FAM120A: variants seen among roughly 807,000 people sequenced by gnomAD.
FAM120A encodes the protein family with sequence similarity 120 member A.
A neutral mutation model predicts 109.7 loss-of-function variants in FAM120A; 15 were observed. The ratio of observed to expected loss-of-function variants is 0.14; its 90% CI spans 0.09 to 0.21. FAM120A has a LOEUF of 0.21. Among genes scored for constraint, FAM120A ranks in the 10% least tolerant of loss-of-function variants. The pLI is 1.00. For synonymous variants in FAM120A, 493 were observed against 572.8 expected, an observed-to-expected ratio of 0.86 and a Z score of 1.99; for missense variants, 899 against 1,439.3, an observed-to-expected ratio of 0.62 and a Z score of 6.07.
rs558921779 is a variant in FAM120A at position 93,505,312 on chromosome 9, G to A, written c.1030+6426G>A. The stretch of plus-strand genomic sequence containing the variant: ...CCTGACCTCGTGATCCGCCCGCCTC[G>A]GCCTCCCGAAATGCTGGGATTACAG... On this transcript the variant is annotated intron_variant, in intron 5 of 17. Transcript: ENST00000277165. 1.8e-3 allele frequency among the ~76,000 whole-genome samples: 269 copies of A among 152,154 alleles called. 2 individuals carry two copies. Among genetic ancestry groups the A allele is most frequent in the Non-Finnish European group, 3.1e-3 (211 of 67,990 alleles).
chr9:93,520,768 A>C (rs61467488), intron 7 of FAM120A, among the ~76,000 whole-genome samples: 3,425 of 152,316 alleles, frequency 0.022, 124 homozygotes, highest in African/African-American at 0.077. Flanking sequence ...CATACACACT[A>C]CAGAAAATAT....
intron 5 of FAM120A, among the ~76,000 whole-genome samples, chr9:93,513,932 C>T (rs555057414): frequency 1.4e-5 from 2 of 142,904 alleles, no homozygotes; most frequent in African/African-American, 4.9e-5. Flanking sequence ...CCTATATTGG[C>T]AGTAGGCAGT....
At chr9:93,507,155 A>G (rs1860099099) in intron 5 of FAM120A, among the ~76,000 whole-genome samples, 1 of 151,958 alleles carries the variant, frequency 6.6e-6, no homozygotes, top group Non-Finnish European at 1.5e-5. Context: ...GGAGTGGGAA[A>G]CTCTTTCAGT....
rs1422056517 is a variant in FAM120A at position 93,478,994 on chromosome 9, A to G, written c.804+2656A>G. Among the ~76,000 whole-genome samples the G allele has an allele frequency of 5.3e-5, 8 of 151,628 alleles. No homozygotes were observed. In the East Asian group the frequency reaches 9.6e-4, roughly 18 times the overall value. ...TTTTGAAAATTTGGATAGTTGTTAC[A>G]TATCTTCCATAATATTCTGAGTTTT... On this transcript the variant is annotated intron_variant, in intron 3 of 17. Coordinates refer to ENST00000277165, the MANE Select transcript of FAM120A (RefSeq NM_014612.5).
At chr9:93,559,508 C>T (rs944306680) in intron 15 of FAM120A, among the ~76,000 whole-genome samples, 4 of 152,224 alleles carry the variant, frequency 2.6e-5, no homozygotes, top group African/African-American at 4.8e-5. Context: ...GGGAACTGTG[C>T]GGAAAGGTGA....
Position 93,562,338 on chromosome 9 carries a change from A to G in FAM120A, c.3045+34A>G, listed in dbSNP as rs181365043. The G allele has an allele frequency of 1.5e-4, 232 of 1,533,106 alleles. No homozygotes were observed. In the African/African-American group the frequency reaches 2.6e-3, roughly 17 times the overall value. The allele number at this position is 1,533,106 out of a possible 1,614,324, so 95.0% of individuals were successfully genotyped here. A position where few individuals can be genotyped will look rare whatever the true frequency, so the allele number is the denominator to read the frequency against. On this transcript the variant is annotated intron_variant, in intron 17 of 17. Coordinates refer to ENST00000277165, the MANE Select transcript of FAM120A (RefSeq NM_014612.5). ...ACAACATGATGTTTGTGCCAGTTCA[A>G]TGCCCTCAGGGATGTCTCCTGTCTG...
At position 93,512,874 on chromosome 9, in the gene FAM120A, T is replaced by C. The variant is rs528169610; in HGVS notation, c.1031-2793T>C. On this transcript the variant is annotated intron_variant, in intron 5 of 17. Transcript: ENST00000277165. The stretch of plus-strand genomic sequence containing the variant: ...CAGAGGATTATTTGAGGTCAATGAT[T>C]GGAATGTGATTTTAGAAAATATTCT... 2.0e-5 allele frequency among the ~76,000 whole-genome samples: 3 copies of C among 152,356 alleles called. No homozygotes were observed. The East Asian group carries it at 5.8e-4, about 29-fold the overall frequency.
At chr9:93,499,488 A>G (rs940232884) in intron 5 of FAM120A, among the ~76,000 whole-genome samples, 1 of 151,942 alleles carries the variant, frequency 6.6e-6, no homozygotes, top group Non-Finnish European at 1.5e-5. Context: ...GGGTTTCACC[A>G]TGTTGGCCAG....
intron 1 of FAM120A, among the ~76,000 whole-genome samples, chr9:93,467,023 T>TA: frequency 6.6e-6 from 1 of 152,312 alleles, no homozygotes; most frequent in South Asian, 2.1e-4. Flanking sequence ...CATTTTATAA[T>TA]ACAATTTTAT....
intron 3 of FAM120A, among the ~76,000 whole-genome samples, chr9:93,496,447 A>T (rs926086600): frequency 6.6e-6 from 1 of 152,244 alleles, no homozygotes; most frequent in Non-Finnish European, 1.5e-5. Context: ...GGGTTGTGGA[A>T]TGAATGTTGT....
At chr9:93,526,918 C>T (rs546614038) in intron 7 of FAM120A, among the ~76,000 whole-genome samples, 1 of 152,358 alleles carries the variant, frequency 6.6e-6, no homozygotes, top group South Asian at 2.1e-4. Flanking sequence ...CATCTCTGAA[C>T]TGCCTGGTGA....
intron 12 of FAM120A, among the ~76,000 whole-genome samples, chr9:93,555,224 G>T (rs2131556378): frequency 6.6e-6 from 1 of 152,304 alleles, no homozygotes; most frequent in East Asian, 1.9e-4. Context: ...GGGAAAAGGA[G>T]GAGCTGGTGA....
intron 5 of FAM120A, among the ~76,000 whole-genome samples, chr9:93,505,774 G>A (rs1477304643): frequency 1.3e-5 from 2 of 152,224 alleles, no homozygotes; most frequent in Non-Finnish European, 2.9e-5. Context: ...ACATGAGAAG[G>A]AGAAAAAGAA....
chr9:93,541,826 A>G (rs886955529), intron 10 of FAM120A, among the ~76,000 whole-genome samples: 1 of 152,176 alleles, frequency 6.6e-6, no homozygotes, highest in Admixed American at 6.5e-5. Flanking sequence ...ACGTGTTCCT[A>G]TACGTGACAC....
At chr9:93,562,665 CTTTTT>C (rs535421624) in intron 17 of FAM120A, among the ~76,000 whole-genome samples, 1 of 134,986 alleles carries the variant, frequency 7.4e-6, no homozygotes, top group Non-Finnish European at 1.6e-5. Context: ...CTTTCTTTTT[CTTTTT>C]TTTTTTTTTT....
At chr9:93,467,448 A>T (rs1463040751) in intron 1 of FAM120A, among the ~76,000 whole-genome samples, 1 of 152,138 alleles carries the variant, frequency 6.6e-6, no homozygotes, top group African/African-American at 2.4e-5. Context: ...CTGAGATTTT[A>T]CATTGGTTGT....
At chr9:93,504,747 G>T (rs1471720916) in intron 5 of FAM120A, among the ~76,000 whole-genome samples, 1 of 152,120 alleles carries the variant, frequency 6.6e-6, no homozygotes, top group Non-Finnish European at 1.5e-5. Context: ...GCGCACTTGT[G>T]AACATTGTTT....
intron 3 of FAM120A, among the ~76,000 whole-genome samples, chr9:93,487,665 T>G (rs1347847464): frequency 6.6e-6 from 1 of 152,198 alleles, no homozygotes; most frequent in Non-Finnish European, 1.5e-5. Context: ...AGTAGACTTG[T>G]GGTTGTCTGG....
In FAM120A at chr9:93,545,780, CTTTTTTTTTTT is replaced by C. The variant is rs774150537; in HGVS notation, c.2159+2325_2159+2335del. 1.2e-4 allele frequency among the ~76,000 whole-genome samples: 8 copies of C among 65,512 alleles called. No individual in the cohort carries two copies. The East Asian group carries it at 1.5e-3, about 13-fold the overall frequency. The allele number at this position is 65,512 out of a possible 152,430, so 43.0% of individuals were successfully genotyped here. A position where few individuals can be genotyped will look rare whatever the true frequency, so the allele number is the denominator to read the frequency against. On this transcript the variant is annotated intron_variant, in intron 11 of 17. Coordinates refer to ENST00000277165, the MANE Select transcript of FAM120A (RefSeq NM_014612.5). ...GAAGACTGGCTGATGGGAAAGACTCCTTTTTTTTTTTTTTTTTTTTTTTTTTGAGACGGAGT... is the reference window on the plus strand; with the variant it reads ...GAAGACTGGCTGATGGGAAAGACTCCTTTTTTTTTTTTTTTGAGACGGAGT...
Sources: allele counts gnomAD v4.1 joint callset (sites outside exome capture counted in the v4.1 genomes callset), GRCh38; gene constraint gnomAD v4.1.1; transcripts MANE v1.5; gene names NCBI Gene and HGNC (gene_info 2026-07-23, HGNC 2026-07-21).